Variants in PHB2 observed in about 807,000 individuals in gnomAD.
PHB2 encodes prohibitin 2.
PHB2 carries 22 observed loss-of-function variants against 46.4 expected under a neutral mutation model. That is an observed-to-expected ratio of 0.47 (90% CI 0.34 to 0.68). PHB2 has a LOEUF of 0.68. Among genes scored for constraint, PHB2 ranks in the 30% least tolerant of loss-of-function variants. The probability of loss-of-function intolerance (pLI) is 0.01; values close to 1 mark genes in which losing one functional copy is unlikely to be tolerated. For missense variants in PHB2, 305 were observed against 382.8 expected, an observed-to-expected ratio of 0.80 and a Z score of 1.70; for synonymous variants, 156 against 150.5, an observed-to-expected ratio of 1.04 and a Z score of -0.27.
Position 6,965,457 on chromosome 12 carries a change from G to T in PHB2, c.*228C>A, listed in dbSNP as rs1946196186. Reference sequence around the variant, plus strand: ...CTGTAGGAAATCACTGAGAAATCACGCACTGTCCCCAACAGCCCCAGTTAA... The same window carrying T: ...CTGTAGGAAATCACTGAGAAATCACTCACTGTCCCCAACAGCCCCAGTTAA... On this transcript the variant is annotated 3_prime_UTR_variant, in exon 10 of 10. Transcript: ENST00000535923. The T allele has an allele frequency of 1.7e-6, 1 of 589,220 alleles. No homozygotes were observed. The highest frequency in any genetic ancestry group is 1.9e-5 in the South Asian group (1 of 51,480). 36.5% of individuals were successfully genotyped at this position (589,220 alleles called of 1,614,324 possible).
chr12:6,969,922 G>T (rs1392539028), intron 2 of PHB2: 1 of 637,758 alleles, frequency 1.6e-6, no homozygotes, highest in South Asian at 1.6e-5. Context: ...AGAAAAGGCC[G>T]CAGTTTCACT....
In PHB2 at chr12:6,968,615, T is replaced by C; in HGVS notation, c.293-20A>G. 1 of 1,608,042 alleles carries C rather than the reference T, an allele frequency of 6.2e-7. No homozygotes were observed. Among genetic ancestry groups the C allele is most frequent in the South Asian group, 1.1e-5 (1 of 90,412 alleles). On this transcript the variant is annotated intron_variant, in intron 3 of 9. Coordinates refer to ENST00000535923, the MANE Select transcript of PHB2 (RefSeq NM_001144831.2). ...GTAGGTCTGAGATTGAGGTCAGCAG[T>C]GGCTGGTCAAGGCCAAACACCCTTT...
upstream of PHB2, chr12:6,970,747 A>G: frequency 1.1e-6 from 1 of 931,776 alleles, no homozygotes; most frequent in Non-Finnish European, 1.6e-6. Flanking sequence ...GGAATCGCGC[A>G]TACGGAAGTC....
chr12:6,966,727 G>A (rs1387916561), intron 7 of PHB2, among the ~76,000 whole-genome samples: 3 of 152,146 alleles, frequency 2.0e-5, no homozygotes, highest in South Asian at 2.1e-4. Flanking sequence ...GACAGGAGGA[G>A]TATCGGAGAA....
In PHB2 at chr12:6,969,576, TC is replaced by T. The variant is rs782194502; in HGVS notation, c.213del (p.Ile72SerfsTer31). 1 of 1,599,240 alleles carries T rather than the reference TC, an allele frequency of 6.3e-7. No homozygotes were observed. Among genetic ancestry groups the T allele is most frequent in the Non-Finnish European group, 8.6e-7 (1 of 1,167,414 alleles). Reference sequence around the variant, plus strand: ...ATAATGGGGTACTGGAACCAAGGGATCCTGGAGAGGACAGGGATAGGTATTA... The same window carrying T: ...ATAATGGGGTACTGGAACCAAGGGATCTGGAGAGGACAGGGATAGGTATTA... The part of the protein sequence containing the change: ...DTILAEGLHF[R>X]IPWFQYPIIY... On this transcript the variant is annotated frameshift_variant and splice_region_variant, in exon 3 of 10. Coordinates refer to ENST00000535923, the MANE Select transcript of PHB2 (RefSeq NM_001144831.2). LOFTEE classifies it high-confidence loss of function.
rs781879186 is a variant in PHB2 at position 6,966,479 on chromosome 12, T to C, written c.811A>G (p.Ile271Val). ...ACAAGGTTGTCAGCTGTGAGATAGATACGATTCTGTGATGTGGCGATCTAC... is the reference window on the plus strand; with the variant it reads ...ACAAGGTTGTCAGCTGTGAGATAGACACGATTCTGTGATGTGGCGATCTAC... ...SKTIATSQNR[I>V]YLTADNLVLN... The change falls in exon 8 of 10, where the codon ATC becomes GTC. Residue 271 changes from isoleucine (I) to valine (V), a missense_variant. Around this residue, in one of 3 missense-constraint regions of PHB2, gnomAD observed 241 missense variants for 302.7 expected, o/e 0.80. Transcript: ENST00000535923. The C allele has an allele frequency of 1.9e-5, 31 of 1,610,228 alleles. No individual in the cohort carries two copies. Among genetic ancestry groups the C allele is most frequent in the Non-Finnish European group, 2.3e-5 (27 of 1,176,570 alleles).
In PHB2 at chr12:6,967,622, G is replaced by T; in HGVS notation, c.711+54C>A. ...CATCAGCCTGCCCATGAAGGAGAAT[G>T]GGGAACTCAGGTGCCCTAGGGGCTG... is the stretch of plus-strand genomic sequence containing the variant. On this transcript the variant is annotated intron_variant, in intron 6 of 9. Coordinates refer to ENST00000535923, the MANE Select transcript of PHB2 (RefSeq NM_001144831.2). The surrounding 1 kb of genome is among the most constrained non-coding windows in gnomAD (Gnocchi z 4.9). 7.3e-7 allele frequency: 1 copy of T among 1,378,862 alleles called. No homozygotes were observed. 85.4% of individuals were successfully genotyped at this position (1,378,862 alleles called of 1,614,324 possible). A position where few individuals can be genotyped will look rare whatever the true frequency, so the allele number is the denominator to read the frequency against.
chr12:6,968,325 T>A, intron 4 of PHB2, 86 bp downstream of exon 4: 2 of 1,013,212 alleles, frequency 2.0e-6, no homozygotes, highest in Non-Finnish European at 2.9e-6. Context: ...ACAATGCTTT[T>A]CTAATAAGCT....
At chr12:6,965,969 G>A in intron 8 of PHB2, 53 bp from the exon 9 acceptor site, 2 of 1,584,456 alleles carry the variant, frequency 1.3e-6, no homozygotes, top group Non-Finnish European at 1.7e-6. Context: ...AAATGCACAT[G>A]TTAATTGACA....
chr12:6,967,734 T>C lies in PHB2; in HGVS notation c.653A>G (p.Lys218Arg). 1 of 1,613,970 alleles carries C rather than the reference T, an allele frequency of 6.2e-7. No homozygotes were observed. The highest frequency in any genetic ancestry group is 8.5e-7 in the Non-Finnish European group (1 of 1,179,882). The change falls in exon 6 of 10, where the codon AAG (lysine) becomes AGG (arginine). Residue 218 changes from lysine (K) to arginine (R), a missense_variant. This residue lies in a region of PHB2 where 241 missense variants were observed against 302.7 expected (regional missense o/e 0.80). Coordinates refer to ENST00000535923, the MANE Select transcript of PHB2 (RefSeq NM_001144831.2). This position sits in a 1 kb window ranked among gnomAD's most constrained non-coding sequence, Gnocchi z 4.9. ...QRAQFLVEKA[K>R]QEQRQKIVQA... ...CACAATTTTCTGCCGCTGTTCCTGC[T>C]TTGCTTTTTCTACCAAGAATTGGGC...
chr12:6,970,677 A>C, upstream of PHB2: 1 of 1,129,552 alleles, frequency 8.9e-7, no homozygotes, highest in East Asian at 2.5e-5. Flanking sequence ...AGGGCAGCGG[A>C]AGTGCGCTCC....
In PHB2 at chr12:6,967,088, C is replaced by T. The variant is rs1946225055; in HGVS notation, c.789+83G>A. 13 of 1,162,412 alleles carry T rather than the reference C, an allele frequency of 1.1e-5. No homozygotes were observed. The highest frequency in any genetic ancestry group is 5.2e-5 in the East Asian group (2 of 38,220). 72.0% of individuals were successfully genotyped at this position (1,162,412 alleles called of 1,614,324 possible). A position where few individuals can be genotyped will look rare whatever the true frequency, so the allele number is the denominator to read the frequency against. On this transcript the variant is annotated intron_variant, in intron 7 of 9. Coordinates refer to ENST00000535923, the MANE Select transcript of PHB2 (RefSeq NM_001144831.2). This position sits in a 1 kb window ranked among gnomAD's most constrained non-coding sequence, Gnocchi z 4.9. ...AGTAGAAACCGGAACAAGCAAGGTT[C>T]GAATTCCCTCACCTCAATGTGCCTT...
intron 1 of PHB2, 53 bp downstream of exon 1, chr12:6,970,364 G>A: frequency 3.1e-6 from 5 of 1,604,818 alleles, no homozygotes; most frequent in South Asian, 1.1e-5. Flanking sequence ...GACAGGGCAA[G>A]GGGTTTGGGG....
Position 6,968,401 on chromosome 12 carries a change from G to A in PHB2, c.477+10C>T, listed in dbSNP as rs1430581928. The A allele has an allele frequency of 3.8e-6, 6 of 1,587,374 alleles. No homozygotes were observed. The highest frequency in any genetic ancestry group is 5.2e-6 in the Non-Finnish European group (6 of 1,159,870). ...GGCTGACACCACGCAGATGGTGGTG[G>A]GAGTCAGACCTGGGCCCGCTGGGTG... On this transcript the variant is annotated intron_variant, in intron 4 of 9. Coordinates refer to ENST00000535923, the MANE Select transcript of PHB2 (RefSeq NM_001144831.2).
chr12:6,966,640 C>T (rs782758832), intron 7 of PHB2, 140 bp from the exon 8 acceptor site: 24 of 674,382 alleles, frequency 3.6e-5, no homozygotes, highest in East Asian at 1.0e-4. Context: ...GGTTTCTGCT[C>T]GCACTTAGGG....
intron 8 of PHB2, 148 bp from the exon 9 acceptor site, chr12:6,966,064 A>C: frequency 2.4e-6 from 2 of 838,332 alleles, no homozygotes; most frequent in Admixed American, 2.0e-5. Context: ...TCTCAGGCTC[A>C]TGAAAGGAGG....
Position 6,967,297 on chromosome 12 carries a change from T to C in PHB2, c.712-49A>G, listed in dbSNP as rs1555150941. ...AAGGGCAGGTCTCAATCCCTGGCCCTGTCCTTACCACACTCCCTTGCTCCA... is the reference window on the plus strand; with the variant it reads ...AAGGGCAGGTCTCAATCCCTGGCCCCGTCCTTACCACACTCCCTTGCTCCA... On this transcript the variant is annotated intron_variant, in intron 6 of 9. Coordinates refer to ENST00000535923, the MANE Select transcript of PHB2 (RefSeq NM_001144831.2). The surrounding 1 kb of genome is among the most constrained non-coding windows in gnomAD (Gnocchi z 4.9). 5.6e-6 allele frequency: 9 copies of C among 1,611,670 alleles called. No homozygotes were observed.
intron 9 of PHB2, 63 bp downstream of exon 9, chr12:6,965,848 G>A (rs1555150698): frequency 6.3e-7 from 1 of 1,591,922 alleles, no homozygotes; most frequent in African/African-American, 1.3e-5. Context: ...AAAGGGGGTA[G>A]GGTAGGAGGC....
Position 6,965,635 on chromosome 12 carries a change from T to G in PHB2, c.*50A>C. On this transcript the variant is annotated 3_prime_UTR_variant, in exon 10 of 10. Transcript: ENST00000535923. ...GACCCCTGGCTGGCTCCTCAAAAAC[T>G]GGAGAAGCAGATCCACTTCCTCTGG... 1 of 1,559,428 alleles carries G rather than the reference T, an allele frequency of 6.4e-7. No individual in the cohort carries two copies. Among genetic ancestry groups the G allele is most frequent in the East Asian group, 2.3e-5 (1 of 44,402 alleles).
Sources: gnomAD v4.1 joint callset for allele counts (sites outside exome capture counted in the v4.1 genomes callset) on GRCh38, gnomAD v4.1.1 for gene constraint, gnomAD v4.1.1 regional missense constraint, Gnocchi (gnomAD v3.1) non-coding constraint, MANE v1.5 for transcripts, NCBI Gene and HGNC (gene_info 2026-07-23, HGNC 2026-07-21) for gene names.